MARK3: variants seen among roughly 807,000 people sequenced by gnomAD.
The protein encoded by MARK3 is microtubule affinity regulating kinase 3.
MARK3 carries 46 observed loss-of-function variants against 90.1 expected under a neutral mutation model. The observed-to-expected ratio is 0.51, with a 90% confidence interval of 0.40 to 0.65. The LOEUF (loss-of-function observed/expected upper bound fraction) is 0.65. Among genes scored for constraint, MARK3 ranks in the 30% least tolerant of loss-of-function variants. The probability of loss-of-function intolerance (pLI) is 0.00; values close to 1 mark genes in which losing one functional copy is unlikely to be tolerated. For missense variants in MARK3, 818 were observed against 947.2 expected (o/e 0.86, Z 1.79); for synonymous variants, 321 against 332.6 (o/e 0.97, Z 0.38).
intron 3 of MARK3, among the ~76,000 whole-genome samples, chr14:103,437,665 G>T (rs1369707864): frequency 2.0e-5 from 3 of 152,174 alleles, no homozygotes; most frequent in African/African-American, 4.8e-5. Flanking sequence ...ATTTTAAGTG[G>T]GTTAAACTTA....
At chr14:103,492,784 A>G (rs1428944870) in intron 15 of MARK3, among the ~76,000 whole-genome samples, 1 of 152,192 alleles carries the variant, frequency 6.6e-6, no homozygotes, top group Non-Finnish European at 1.5e-5. Context: ...CCTGTTACAA[A>G]AGCCCAGAAA....
Position 103,475,119 on chromosome 14 carries a change from G to A in MARK3, c.1391G>A (p.Gly464Glu), listed in dbSNP as rs780850846. Residue 464 changes from glycine (G) to glutamate (E), a missense_variant, in exon 13 of 18, where the codon GGA (glycine) becomes GAA (glutamate). Physicochemically the swap from Gly to Glu is moderately conservative, Grantham distance 98 (BLOSUM62 -2). Around this residue, in one of 3 missense-constraint regions of MARK3, gnomAD observed 560 missense variants for 613.5 expected, o/e 0.91. Coordinates refer to ENST00000429436, the MANE Select transcript of MARK3 (RefSeq NM_001128918.3). ...AGTGGCAGTGCTGTTGGAGGAAAGG[G>A]AATTGCTCCAGCCAGTCCCATGCTT... is the stretch of plus-strand genomic sequence containing the variant. ...KSSGSAVGGK[G>E]IAPASPMLGN... 1.2e-6 allele frequency: 2 copies of A among 1,613,982 alleles called. No homozygotes were observed. The highest frequency in any genetic ancestry group is 1.7e-6 in the Non-Finnish European group (2 of 1,179,968).
chr14:103,468,996 T>G (rs940046415), intron 12 of MARK3, among the ~76,000 whole-genome samples: 1 of 151,980 alleles, frequency 6.6e-6, no homozygotes, highest in Non-Finnish European at 1.5e-5. Context: ...TCTCTTCACC[T>G]CTGCATTGGA....
chr14:103,406,154 C>T (rs902769251), intron 2 of MARK3, among the ~76,000 whole-genome samples: 4 of 151,924 alleles, frequency 2.6e-5, no homozygotes, highest in African/African-American at 9.7e-5. Flanking sequence ...CCTCAACCTC[C>T]CAGAGTGTTG....
chr14:103,498,020 T>C (rs2756133), intron 15 of MARK3, among the ~76,000 whole-genome samples: 147,247 of 152,264 alleles, frequency 0.97, 71,384 homozygotes, highest in Non-Finnish European at 1. Context: ...AGTTCGAGAC[T>C]AGACTGGCCA....
intron 5 of MARK3, 58 bp downstream of exon 5, chr14:103,452,041 A>G (rs1470907123): frequency 8.7e-7 from 1 of 1,143,780 alleles, no homozygotes; most frequent in South Asian, 1.3e-5. Context: ...AAAAAAATAC[A>G]CAACCATACT....
rs1158918497 is a variant in MARK3 at position 103,385,765 on chromosome 14, C to T, written c.-265C>T. ...CGCCGGCGGGCCGAAGCGCAGCCCG[C>T]CGCCCGCAGGCTCGGCTCCGCCACT... is the stretch of plus-strand genomic sequence containing the variant. On this transcript the variant is annotated 5_prime_UTR_variant, in exon 1 of 18. Coordinates refer to ENST00000429436, the MANE Select transcript of MARK3 (RefSeq NM_001128918.3). 1 of 379,958 alleles carries T rather than the reference C, an allele frequency of 2.6e-6. No homozygotes were observed. Among genetic ancestry groups the T allele is most frequent in the Non-Finnish European group, 4.7e-6 (1 of 214,168 alleles). The allele number at this position is 379,958 out of a possible 1,614,324, so 23.5% of individuals were successfully genotyped here. A position where few individuals can be genotyped will look rare whatever the true frequency, so the allele number is the denominator to read the frequency against.
intron 3 of MARK3, among the ~76,000 whole-genome samples, chr14:103,443,926 G>A (rs557120238): frequency 6.6e-6 from 1 of 152,186 alleles, no homozygotes; most frequent in Non-Finnish European, 1.5e-5. Flanking sequence ...GAGTGATGAG[G>A]GAGTGACTTA....
At chr14:103,443,205 G>C (rs2092906904) in intron 3 of MARK3, among the ~76,000 whole-genome samples, 1 of 152,202 alleles carries the variant, frequency 6.6e-6, no homozygotes, top group South Asian at 2.1e-4. Flanking sequence ...AGTAACAACA[G>C]AAGTTGAGAA....
chr14:103,400,141 C>T (rs2140573244), intron 1 of MARK3, among the ~76,000 whole-genome samples: 1 of 152,204 alleles, frequency 6.6e-6, no homozygotes, highest in African/African-American at 2.4e-5. Flanking sequence ...GTTGGCCAGG[C>T]AGGTCTCAAA....
In MARK3 at chr14:103,442,991, G is replaced by C. The variant is rs1457185084; in HGVS notation, c.298-5928G>C. 3.5e-5 allele frequency among the ~76,000 whole-genome samples: 5 copies of C among 143,530 alleles called. No homozygotes were observed. The East Asian group carries it at 9.7e-4, about 28-fold the overall frequency. The allele number at this position is 143,530 out of a possible 152,430, so 94.2% of individuals were successfully genotyped here. A position where few individuals can be genotyped will look rare whatever the true frequency, so the allele number is the denominator to read the frequency against. Reference sequence around the variant, plus strand: ...AAGTGAGAAGAGAGGCAATGAAATAGATAAGCTACTAAGTGCTGCCAGGGG... The same window carrying C: ...AAGTGAGAAGAGAGGCAATGAAATACATAAGCTACTAAGTGCTGCCAGGGG... On this transcript the variant is annotated intron_variant, in intron 3 of 17. Coordinates refer to ENST00000429436, the MANE Select transcript of MARK3 (RefSeq NM_001128918.3).
chr14:103,468,648 G>A (rs1447645438), intron 12 of MARK3, among the ~76,000 whole-genome samples: 1 of 151,900 alleles, frequency 6.6e-6, no homozygotes, highest in Non-Finnish European at 1.5e-5. Flanking sequence ...TAGTGTTCCT[G>A]CAGGTGCTGC....
In MARK3 at chr14:103,446,656, A is replaced by G. The variant is rs1281325495; in HGVS notation, c.298-2263A>G. Among the ~76,000 whole-genome samples, 6 of 150,514 alleles carry G rather than the reference A, an allele frequency of 4.0e-5. No homozygotes were observed. The South Asian group carries it at 1.0e-3, about 26-fold the overall frequency. On this transcript the variant is annotated intron_variant, in intron 3 of 17. Coordinates refer to ENST00000429436, the MANE Select transcript of MARK3 (RefSeq NM_001128918.3). ...TGGCCATGGTCAGGGTTTCATTCTCAGTGCTGTGTATCCTGAGCTATATTG... is the reference window on the plus strand; with the variant it reads ...TGGCCATGGTCAGGGTTTCATTCTCGGTGCTGTGTATCCTGAGCTATATTG...
chr14:103,395,376 G>A (rs569317635), intron 1 of MARK3, among the ~76,000 whole-genome samples: 11 of 150,000 alleles, frequency 7.3e-5, no homozygotes, highest in Admixed American at 6.7e-4. Flanking sequence ...TTCAAGTTGT[G>A]TCTTGGTTTT....
At chr14:103,444,606 G>A (rs187953832) in intron 3 of MARK3, among the ~76,000 whole-genome samples, 104 of 152,166 alleles carry the variant, frequency 6.8e-4, no homozygotes, top group African/African-American at 2.3e-3. Flanking sequence ...GTGAAACCCC[G>A]TCTCTACTAA....
At chr14:103,449,061 A>G in intron 4 of MARK3, 94 bp downstream of exon 4, 1 of 1,284,466 alleles carries the variant, frequency 7.8e-7, no homozygotes. Context: ...GGTAGAGTAC[A>G]CTTCTAGTAA....
chr14:103,402,965 T>C (rs1022289082), intron 1 of MARK3, among the ~76,000 whole-genome samples: 8 of 151,878 alleles, frequency 5.3e-5, no homozygotes, highest in Admixed American at 2.0e-4. Flanking sequence ...CAGGTTACAA[T>C]AGGCAGTTTC....
At chr14:103,472,066 C>T (rs750125585) in intron 12 of MARK3, among the ~76,000 whole-genome samples, 4 of 151,382 alleles carry the variant, frequency 2.6e-5, no homozygotes, top group Non-Finnish European at 4.4e-5. Context: ...AAAAAATTAG[C>T]CAGGCGTGGT....
At chr14:103,481,033 T>C (rs2093809270) in intron 14 of MARK3, among the ~76,000 whole-genome samples, 1 of 152,166 alleles carries the variant, frequency 6.6e-6, no homozygotes, top group South Asian at 2.1e-4. Flanking sequence ...CAAGCATACA[T>C]AGGATGAGCG....
Sources: gnomAD v4.1 joint callset for allele counts (sites outside exome capture counted in the v4.1 genomes callset) on GRCh38, gnomAD v4.1.1 for gene constraint, gnomAD v4.1.1 regional missense constraint, MANE v1.5 for transcripts, NCBI Gene and HGNC (gene_info 2026-07-23, HGNC 2026-07-21) for gene names.